The following PTPRD variants were observed in gnomAD, a reference collection of about 807,000 sequenced individuals.
The protein encoded by PTPRD is protein tyrosine phosphatase receptor type D, also known as receptor-type tyrosine-protein phosphatase delta.
In PTPRD, 34 loss-of-function variants were observed where a neutral mutation model predicts 214.5. That is an observed-to-expected ratio of 0.16 (90% CI 0.12 to 0.21). PTPRD has a LOEUF of 0.21. Among genes scored for constraint, PTPRD ranks in the 10% least tolerant of loss-of-function variants. The pLI is 1.00. For synonymous variants in PTPRD, 1,128 were observed against 845.7 expected, an observed-to-expected ratio of 1.33 and a Z score of -5.79; for missense variants, 2,545 against 2,398.7, an observed-to-expected ratio of 1.06 and a Z score of -1.27.
At chr9:8,751,930 T>C (rs12339313) in intron 11 of PTPRD, among the ~76,000 whole-genome samples, 6,316 of 152,248 alleles carry the variant, frequency 0.041, 296 homozygotes, top group African/African-American at 0.12. Context: ...CCTTCCTGGA[T>C]TGACCTTTCT....
chr9:9,778,081 T>G (rs1051308425), intron 5 of PTPRD, among the ~76,000 whole-genome samples: 17 of 152,098 alleles, frequency 1.1e-4, no homozygotes, highest in African/African-American at 4.1e-4. Flanking sequence ...ACACTCCCAT[T>G]GAGAGAGATC....
At chr9:9,016,786 G>C (rs1186021190) in intron 11 of PTPRD, among the ~76,000 whole-genome samples, 1 of 152,162 alleles carries the variant, frequency 6.6e-6, no homozygotes, top group East Asian at 1.9e-4. Context: ...ATGTCATCCA[G>C]CAATGTTGAC....
chr9:10,433,698 A>C (rs1445882829), intron 2 of PTPRD, among the ~76,000 whole-genome samples: 1 of 151,962 alleles, frequency 6.6e-6, no homozygotes, highest in African/African-American at 2.4e-5. Context: ...TTTATAATTA[A>C]TGTTCAAAAC....
intron 8 of PTPRD, among the ~76,000 whole-genome samples, chr9:9,403,723 A>G (rs1478545551): frequency 6.6e-6 from 1 of 152,096 alleles, no homozygotes; most frequent in Non-Finnish European, 1.5e-5. Flanking sequence ...TATAAAACGA[A>G]TATTTTTAAC....
intron 21 of PTPRD, among the ~76,000 whole-genome samples, chr9:8,512,372 G>C (rs1038900478): frequency 6.6e-6 from 1 of 151,990 alleles, no homozygotes; most frequent in Non-Finnish European, 1.5e-5. Context: ...TTTTATTATA[G>C]TTGTATTTAT....
chr9:10,221,918 A>C (rs921114862), intron 3 of PTPRD, among the ~76,000 whole-genome samples: 3 of 151,956 alleles, frequency 2.0e-5, no homozygotes, highest in Non-Finnish European at 2.9e-5. Flanking sequence ...ACAATTATTA[A>C]ACTTGAAACA....
intron 6 of PTPRD, among the ~76,000 whole-genome samples, chr9:9,746,523 G>T (rs1262667062): frequency 6.6e-6 from 1 of 152,114 alleles, no homozygotes; most frequent in Non-Finnish European, 1.5e-5. Flanking sequence ...TTGCCAAAAA[G>T]ATCAATATAG....
chr9:9,493,510 C>T (rs76741912), intron 8 of PTPRD, among the ~76,000 whole-genome samples: 9 of 151,682 alleles, frequency 5.9e-5, no homozygotes, highest in African/African-American at 1.2e-4. Flanking sequence ...ATTTTGTGTC[C>T]GGGTAGGGTG....
At position 8,941,912 on chromosome 9, in the gene PTPRD, T is replaced by A. The variant is rs1490581331; in HGVS notation, c.-104+76785A>T. On this transcript the variant is annotated intron_variant, in intron 11 of 45. Coordinates refer to ENST00000381196, the MANE Select transcript of PTPRD (RefSeq NM_002839.4). ...CCTCCGCCTCCCGGGTTCAAGCGAT[T>A]CTCTTGCCTCAGCCTCCCAAGTAGC... Among the ~76,000 whole-genome samples, 4 of 152,162 alleles carry A rather than the reference T, an allele frequency of 2.6e-5. No individual in the cohort carries two copies. The East Asian group carries it at 7.7e-4, about 29-fold the overall frequency.
intron 6 of PTPRD, among the ~76,000 whole-genome samples, chr9:9,748,545 C>T (rs189957659): frequency 7.2e-5 from 11 of 152,154 alleles, no homozygotes; most frequent in Non-Finnish European, 5.9e-5. Context: ...ATAATTATAA[C>T]GACAGAAAAG....
intron 7 of PTPRD, among the ~76,000 whole-genome samples, chr9:9,580,759 G>C (rs1040674960): frequency 1.3e-5 from 2 of 151,900 alleles, no homozygotes; most frequent in Non-Finnish European, 2.9e-5. Flanking sequence ...ACGTTGGCCA[G>C]GGTGGTCTCA....
chr9:10,040,194 T>C lies in PTPRD; in HGVS notation c.-544-6404A>G, dbSNP rs911975710. Among the ~76,000 whole-genome samples, 7 of 152,142 alleles carry C rather than the reference T, an allele frequency of 4.6e-5. No individual in the cohort carries two copies. The Middle Eastern group carries it at 0.01, about 222-fold the overall frequency. ...GCAAGCTTTTTTTGGTTAAACGGATTCATAAAAATGAATGTGCTGTTGACC... is the reference window on the plus strand; with the variant it reads ...GCAAGCTTTTTTTGGTTAAACGGATCCATAAAAATGAATGTGCTGTTGACC... On this transcript the variant is annotated intron_variant, in intron 3 of 45. Coordinates refer to ENST00000381196, the MANE Select transcript of PTPRD (RefSeq NM_002839.4).
At chr9:8,901,328 T>C (rs1387350121) in intron 11 of PTPRD, among the ~76,000 whole-genome samples, 1 of 152,216 alleles carries the variant, frequency 6.6e-6, no homozygotes, top group Non-Finnish European at 1.5e-5. Flanking sequence ...AACAAGCCAA[T>C]GGCAAAATTC....
chr9:9,577,028 G>A lies in PTPRD; in HGVS notation c.-286-2247C>T, dbSNP rs1034515795. 3.3e-5 allele frequency among the ~76,000 whole-genome samples: 5 copies of A among 151,976 alleles called. No individual in the cohort carries two copies. In the South Asian group the frequency reaches 6.2e-4, roughly 19 times the overall value. ...AGACATCCTTGTTTGTATTACTGAC[G>A]TTGTTACACTGATCAGATATGTTGG... On this transcript the variant is annotated intron_variant, in intron 7 of 45. Coordinates refer to ENST00000381196, the MANE Select transcript of PTPRD (RefSeq NM_002839.4).
intron 5 of PTPRD, among the ~76,000 whole-genome samples, chr9:9,814,102 C>T (rs927055208): frequency 2.2e-4 from 33 of 152,110 alleles, no homozygotes; most frequent in Admixed American, 1.9e-3. Flanking sequence ...ATTATCTTTC[C>T]ATGATAAAAC....
At chr9:9,173,040 C>G (rs907956626) in intron 10 of PTPRD, among the ~76,000 whole-genome samples, 1 of 152,104 alleles carries the variant, frequency 6.6e-6, no homozygotes, top group Non-Finnish European at 1.5e-5. Context: ...ATTTCCCAGT[C>G]ATCTTTTCCT....
chr9:10,356,106 A>C (rs1400607524), intron 2 of PTPRD, among the ~76,000 whole-genome samples: 1 of 150,348 alleles, frequency 6.7e-6, no homozygotes, highest in Non-Finnish European at 1.5e-5. Flanking sequence ...TAAAAGAGAA[A>C]ATTGCCTTTT....
chr9:10,482,319 C>A (rs1012749002), intron 2 of PTPRD, among the ~76,000 whole-genome samples: 9 of 151,774 alleles, frequency 5.9e-5, no homozygotes, highest in Non-Finnish European at 1.3e-4. Flanking sequence ...TACAGTGAGC[C>A]GAGATGGCGC....
At chr9:8,770,072 G>A (rs901263055) in intron 11 of PTPRD, among the ~76,000 whole-genome samples, 1 of 152,122 alleles carries the variant, frequency 6.6e-6, no homozygotes, top group African/African-American at 2.4e-5. Flanking sequence ...CCTGAGGTCA[G>A]GAGTTTAAGA....
Sources: allele counts gnomAD v4.1 joint callset (sites outside exome capture counted in the v4.1 genomes callset), GRCh38; gene constraint gnomAD v4.1.1; transcripts MANE v1.5; gene names NCBI Gene and HGNC (gene_info 2026-07-23, HGNC 2026-07-21).